The following SLC25A21 variants were observed in gnomAD, a reference collection of about 807,000 sequenced individuals.
SLC25A21 encodes mitochondrial 2-oxodicarboxylate carrier.
A neutral mutation model predicts 43.8 loss-of-function variants in SLC25A21; 47 were observed. That is an observed-to-expected ratio of 1.07 (90% CI 0.85 to 1.37). SLC25A21 has a LOEUF of 1.37. Ranked by LOEUF, SLC25A21 falls within the 40% of genes most tolerant of loss-of-function variation. The probability of loss-of-function intolerance (pLI) is 0.00; values close to 1 mark genes in which losing one functional copy is unlikely to be tolerated. For synonymous variants in SLC25A21, 131 were observed against 121.3 expected, an observed-to-expected ratio of 1.08 and a Z score of -0.52; for missense variants, 352 against 350.2, an observed-to-expected ratio of 1.00 and a Z score of -0.04.
intron 1 of SLC25A21, among the ~76,000 whole-genome samples, chr14:36,967,702 C>T (rs1340810818): frequency 1.3e-5 from 2 of 152,150 alleles, no homozygotes; most frequent in Admixed American, 6.5e-5. Flanking sequence ...CCGAATCCAG[C>T]AGTAACAAAT....
intron 7 of SLC25A21, among the ~76,000 whole-genome samples, chr14:36,709,006 C>CT (rs58990948): frequency 6.0e-4 from 89 of 149,408 alleles, no homozygotes; most frequent in Middle Eastern, 3.4e-3. Context: ...TCTGATTAAT[C>CT]TTTTTTTTTT....
At chr14:36,977,847 G>A (rs972602474) in intron 1 of SLC25A21, among the ~76,000 whole-genome samples, 1 of 151,248 alleles carries the variant, frequency 6.6e-6, no homozygotes, top group Non-Finnish European at 1.5e-5. Context: ...CATTTTCTTT[G>A]CACGTGGAAC....
intron 1 of SLC25A21, among the ~76,000 whole-genome samples, chr14:36,987,225 G>A (rs957262128): frequency 6.6e-6 from 1 of 152,096 alleles, no homozygotes; most frequent in Non-Finnish European, 1.5e-5. Context: ...AGAGAGGAAG[G>A]TTTTCTACCA....
intron 1 of SLC25A21, among the ~76,000 whole-genome samples, chr14:37,156,598 A>G (rs1963854903): frequency 6.6e-6 from 1 of 152,010 alleles, no homozygotes; most frequent in Non-Finnish European, 1.5e-5. Flanking sequence ...ACTCCAGACA[A>G]ACAGAAACCA....
At chr14:36,775,255 G>A (rs1267372894) in intron 3 of SLC25A21, among the ~76,000 whole-genome samples, 2 of 152,240 alleles carry the variant, frequency 1.3e-5, no homozygotes, top group East Asian at 3.9e-4. Context: ...ATAGAAAAGG[G>A]GAAGAATAGA....
chr14:37,010,288 C>T (rs1283896402), intron 1 of SLC25A21, among the ~76,000 whole-genome samples: 1 of 152,194 alleles, frequency 6.6e-6, no homozygotes, highest in Non-Finnish European at 1.5e-5. Flanking sequence ...TGTGAAGAAA[C>T]TAATATTCTT....
intron 1 of SLC25A21, among the ~76,000 whole-genome samples, chr14:37,049,826 A>T (rs1471587635): frequency 6.6e-6 from 1 of 152,236 alleles, no homozygotes; most frequent in African/African-American, 2.4e-5. Context: ...GAGACATTTT[A>T]CATTCTTGTT....
intron 1 of SLC25A21, among the ~76,000 whole-genome samples, chr14:36,982,478 C>T (rs928399746): frequency 7.2e-5 from 11 of 152,194 alleles, no homozygotes; most frequent in African/African-American, 2.6e-4. Context: ...GCCATCTAAG[C>T]AGTAGAATTT....
intron 1 of SLC25A21, among the ~76,000 whole-genome samples, chr14:36,903,440 C>T (rs1011181693): frequency 5.3e-5 from 8 of 151,064 alleles, no homozygotes; most frequent in African/African-American, 9.7e-5. Context: ...GGTGAAACCC[C>T]GTCTCTACTA....
At chr14:37,132,972 C>T (rs1963415943) in intron 1 of SLC25A21, among the ~76,000 whole-genome samples, 1 of 152,114 alleles carries the variant, frequency 6.6e-6, no homozygotes, top group African/African-American at 2.4e-5. Context: ...TCAAGCAATC[C>T]TCCCGCATCA....
chr14:36,710,213 TAAAA>T (rs1035066926), intron 7 of SLC25A21, among the ~76,000 whole-genome samples: 2 of 147,806 alleles, frequency 1.4e-5, no homozygotes, highest in African/African-American at 5.0e-5. Context: ...GGTGCCAAAA[TAAAA>T]AAAAAATTAG....
chr14:36,717,777 T>C (rs1351078501), intron 6 of SLC25A21, among the ~76,000 whole-genome samples: 2 of 152,250 alleles, frequency 1.3e-5, no homozygotes, highest in Non-Finnish European at 2.9e-5. Flanking sequence ...AAGAGACATC[T>C]ATGTTAGTGT....
At chr14:37,171,059 T>C (rs1260670395) in intron 1 of SLC25A21, among the ~76,000 whole-genome samples, 2 of 135,174 alleles carry the variant, frequency 1.5e-5, no homozygotes, top group Non-Finnish European at 3.1e-5. Context: ...GCAATCCAGC[T>C]CCGGTGCCTT....
chr14:37,168,593 C>T (rs954648156), intron 1 of SLC25A21, among the ~76,000 whole-genome samples: 2 of 151,970 alleles, frequency 1.3e-5, no homozygotes, highest in East Asian at 1.9e-4. Flanking sequence ...AGAGGTGGGC[C>T]CCTACTAATG....
chr14:36,691,682 T>G (rs1162758596), intron 7 of SLC25A21, among the ~76,000 whole-genome samples: 1 of 152,184 alleles, frequency 6.6e-6, no homozygotes, highest in East Asian at 1.9e-4. Context: ...AGTGAGACTG[T>G]CTTTAGAAAA....
intron 1 of SLC25A21, among the ~76,000 whole-genome samples, chr14:37,046,248 T>C (rs1340244206): frequency 6.6e-6 from 1 of 152,146 alleles, no homozygotes; most frequent in Admixed American, 6.5e-5. Context: ...GATCTAGTGC[T>C]ATGAGGGGAA....
intron 7 of SLC25A21, among the ~76,000 whole-genome samples, chr14:36,701,914 G>A (rs1883295077): frequency 6.6e-6 from 1 of 152,032 alleles, no homozygotes. Flanking sequence ...GAAACCAGAG[G>A]GAGCACACTG....
In SLC25A21 at chr14:37,172,561, C is replaced by T. The variant is rs1020574361; in HGVS notation, c.-211G>A. On this transcript the variant is annotated 5_prime_UTR_variant, in exon 1 of 10. Transcript: ENST00000331299. ...GGCGCGTCGGAACCTGTTCGCAGCG[C>T]TCTCGCAGAGGCGCCCTCGGCTCCG... 5.6e-6 allele frequency: 4 copies of T among 709,938 alleles called. No individual in the cohort carries two copies. The highest frequency in any genetic ancestry group is 2.7e-5 in the East Asian group (1 of 37,192). 44.0% of individuals were successfully genotyped at this position (709,938 alleles called of 1,614,324 possible).
intron 7 of SLC25A21, among the ~76,000 whole-genome samples, chr14:36,706,841 G>T (rs1419274890): frequency 1.3e-5 from 2 of 151,982 alleles, no homozygotes; most frequent in Non-Finnish European, 2.9e-5. Context: ...TCATTTCCAT[G>T]CACACATTCT....
Sources: gnomAD v4.1 joint callset for allele counts (sites outside exome capture counted in the v4.1 genomes callset) on GRCh38, gnomAD v4.1.1 for gene constraint, MANE v1.5 for transcripts, NCBI Gene and HGNC (gene_info 2026-07-23, HGNC 2026-07-21) for gene names.